The following EYS variants were observed in gnomAD, a reference collection of about 807,000 sequenced individuals.
The protein encoded by EYS is protein eyes shut homolog.
EYS carries 250 observed loss-of-function variants against 282.1 expected under a neutral mutation model. The ratio of observed to expected loss-of-function variants is 0.89; its 90% CI spans 0.80 to 0.98. The LOEUF (loss-of-function observed/expected upper bound fraction) is 0.98. EYS is among the 50% of genes least tolerant of loss of function. The probability of loss-of-function intolerance (pLI) is 0.00; values close to 1 mark genes in which losing one functional copy is unlikely to be tolerated. For synonymous variants in EYS, 1,355 were observed against 1,282.9 expected, an observed-to-expected ratio of 1.06 and a Z score of -1.20; for missense variants, 4,016 against 3,709.0, an observed-to-expected ratio of 1.08 and a Z score of -2.15.
chr6:64,252,063 T>C (rs1243159331), intron 30 of EYS, among the ~76,000 whole-genome samples: 3 of 152,126 alleles, frequency 2.0e-5, no homozygotes, highest in Non-Finnish European at 4.4e-5. Context: ...CAGTATAAAT[T>C]ATGATGGAAT....
At chr6:64,206,887 A>G (rs12175881) in intron 31 of EYS, among the ~76,000 whole-genome samples, 39,717 of 152,036 alleles carry the variant, frequency 0.26, 5,661 homozygotes, top group East Asian at 0.44. Context: ...TATTTGCGTC[A>G]TGGGAGTTTG....
chr6:64,093,467 C>A (rs1167734711), intron 31 of EYS, among the ~76,000 whole-genome samples: 1 of 152,134 alleles, frequency 6.6e-6, no homozygotes, highest in Non-Finnish European at 1.5e-5. Flanking sequence ...AGAGGTCCTT[C>A]ACATCCCTTG....
intron 22 of EYS, among the ~76,000 whole-genome samples, chr6:64,707,530 G>A (rs1029564639): frequency 5.3e-5 from 8 of 152,116 alleles, no homozygotes; most frequent in African/African-American, 1.7e-4. Context: ...TTAGCCGGGC[G>A]TGGTGGCGGG....
chr6:64,326,887 A>G (rs938423490), intron 29 of EYS, among the ~76,000 whole-genome samples: 1 of 152,158 alleles, frequency 6.6e-6, no homozygotes, highest in African/African-American at 2.4e-5. Context: ...CCATAAAGAC[A>G]GAAGGGGAGC....
chr6:64,425,875 G>GGGAA (rs758346291), intron 28 of EYS, among the ~76,000 whole-genome samples: 8 of 151,870 alleles, frequency 5.3e-5, no homozygotes, highest in Non-Finnish European at 1.2e-4. Flanking sequence ...TGTGTGAATG[G>GGGAA]GGAAGGAAGG....
chr6:63,962,333 C>T (rs944534964), intron 35 of EYS, among the ~76,000 whole-genome samples: 4 of 151,954 alleles, frequency 2.6e-5, no homozygotes, highest in Non-Finnish European at 4.4e-5. Context: ...ACCTGCAGAA[C>T]GGGAGAAAAA....
intron 26 of EYS, among the ~76,000 whole-genome samples, chr6:64,448,575 C>T (rs909974396): frequency 2.0e-5 from 3 of 152,314 alleles, no homozygotes; most frequent in African/African-American, 4.8e-5. Flanking sequence ...GGGTCCCTGA[C>T]CCCCAAGTAG....
chr6:64,387,755 G>A (rs936101684), intron 29 of EYS, among the ~76,000 whole-genome samples: 4 of 152,216 alleles, frequency 2.6e-5, no homozygotes, highest in Admixed American at 1.3e-4. Context: ...TGCTAATGGA[G>A]TAAATCTGAA....
intron 22 of EYS, among the ~76,000 whole-genome samples, chr6:64,716,698 T>C (rs1771409138): frequency 6.6e-6 from 1 of 152,222 alleles, no homozygotes; most frequent in Admixed American, 6.5e-5. Flanking sequence ...CTAAGAATGA[T>C]GCGCTCAGTG....
chr6:63,739,075 C>T (rs568220040), intron 41 of EYS, among the ~76,000 whole-genome samples: 1 of 152,232 alleles, frequency 6.6e-6, no homozygotes, highest in South Asian at 2.1e-4. Flanking sequence ...TCCCTCCTTC[C>T]TCCCCTCCTT....
chr6:65,176,261 G>T (rs2150230274), intron 12 of EYS, among the ~76,000 whole-genome samples: 1 of 151,468 alleles, frequency 6.6e-6, no homozygotes, highest in Non-Finnish European at 1.5e-5. Context: ...CTCAGCTTCT[G>T]GGAACTAAAA....
At chr6:64,781,101 T>C (rs1180674447) in intron 22 of EYS, among the ~76,000 whole-genome samples, 1 of 151,728 alleles carries the variant, frequency 6.6e-6, no homozygotes, top group Non-Finnish European at 1.5e-5. Flanking sequence ...GACAAATTCT[T>C]ACCAGGAGAG....
intron 35 of EYS, among the ~76,000 whole-genome samples, chr6:63,916,636 T>C (rs1036085178): frequency 2.0e-5 from 3 of 152,250 alleles, no homozygotes; most frequent in Non-Finnish European, 4.4e-5. Flanking sequence ...CTTCATCAGA[T>C]ATATAATTTG....
At chr6:63,884,930 C>T (rs1773227008) in intron 35 of EYS, among the ~76,000 whole-genome samples, 1 of 151,850 alleles carries the variant, frequency 6.6e-6, no homozygotes, top group African/African-American at 2.4e-5. Flanking sequence ...CTATCTTAAT[C>T]TTCTTTGCAT....
intron 35 of EYS, among the ~76,000 whole-genome samples, chr6:63,933,718 C>T (rs1379114912): frequency 6.6e-6 from 1 of 152,020 alleles, no homozygotes; most frequent in Non-Finnish European, 1.5e-5. Flanking sequence ...ATCTCATGAA[C>T]ATAGAAAAAA....
intron 19 of EYS, among the ~76,000 whole-genome samples, chr6:64,871,849 G>T (rs1010501023): frequency 3.3e-5 from 5 of 151,874 alleles, no homozygotes; most frequent in Admixed American, 1.3e-4. Context: ...AGGTTAACAG[G>T]GTCTTTCTGT....
In EYS at chr6:64,591,113, G is replaced by A. The variant is rs1202306514; in HGVS notation, c.4754C>T (p.Thr1585Ile). 5.2e-6 allele frequency: 8 copies of A among 1,551,176 alleles called. No individual in the cohort carries two copies. Among genetic ancestry groups the A allele is most frequent in the African/African-American group, 4.1e-5 (3 of 73,016 alleles). ...TAATATCGCTGAGTTCATCCAGAATGTCTCATAAAAGTGGGACTGTTTGCT... is the reference window on the plus strand; with the variant it reads ...TAATATCGCTGAGTTCATCCAGAATATCTCATAAAAGTGGGACTGTTTGCT... ...LHSKQSHFYETFWMNSAILAS... is the reference protein window; with the variant it reads ...LHSKQSHFYEIFWMNSAILAS... Residue 1585 changes from threonine to isoleucine, a missense_variant, in exon 26 of 43, where the codon ACA becomes ATA. Transcript: ENST00000503581.
intron 2 of EYS, among the ~76,000 whole-genome samples, chr6:65,598,535 C>T (rs1765494098): frequency 6.6e-6 from 1 of 152,078 alleles, no homozygotes; most frequent in Non-Finnish European, 1.5e-5. Flanking sequence ...GCAGAATGAT[C>T]TGGATAGCTC....
In EYS at chr6:63,866,828, G is replaced by C. The variant is rs1772681396; in HGVS notation, c.7056-2470C>G. On this transcript the variant is annotated intron_variant, in intron 35 of 42. Coordinates refer to ENST00000503581, the MANE Select transcript of EYS (RefSeq NM_001142800.2). ...ATTAGCACCTCATTAGCAAGAGTCA[G>C]CTTTACTCAATTGAGATGTTGCCAG... Among the ~76,000 whole-genome samples, 4 of 152,202 alleles carry C rather than the reference G, an allele frequency of 2.6e-5. No individual in the cohort carries two copies. The South Asian group carries it at 8.3e-4, about 31-fold the overall frequency.
Sources: allele counts gnomAD v4.1 joint callset (sites outside exome capture counted in the v4.1 genomes callset), GRCh38; gene constraint gnomAD v4.1.1; transcripts MANE v1.5; gene names NCBI Gene and HGNC (gene_info 2026-07-23, HGNC 2026-07-21).